The following DNAH9 variants were observed in gnomAD, a reference collection of about 807,000 sequenced individuals.
DNAH9 encodes dynein axonemal heavy chain 9.
Under a neutral mutation model 471.6 loss-of-function variants are expected in DNAH9, and 345 were observed. The observed-to-expected ratio is 0.73, with a 90% CI of 0.67 to 0.80. The LOEUF (loss-of-function observed/expected upper bound fraction) is 0.80, where lower values mean the gene tolerates loss of function less well. Ranked by LOEUF, DNAH9 falls within the 30% of genes least tolerant of loss-of-function variation. The pLI, the probability that DNAH9 is intolerant of heterozygous loss-of-function variation, is 0.00. For synonymous variants in DNAH9, 2,093 were observed against 2,123.6 expected, an observed-to-expected ratio of 0.99 and a Z score of 0.40; for missense variants, 5,407 against 5,609.2, an observed-to-expected ratio of 0.96 and a Z score of 1.15.
chr17:11,783,608 C>T, intron 39 of DNAH9, 38 bp from the exon 40 acceptor site: 1 of 1,553,202 alleles, frequency 6.4e-7, no homozygotes, highest in East Asian at 2.2e-5. Context: ...TGCCTCAGTC[C>T]TCAGACACCT....
chr17:11,677,996 C>T (rs1440255100), intron 17 of DNAH9, among the ~76,000 whole-genome samples: 1 of 87,494 alleles, frequency 1.1e-5, no homozygotes, highest in East Asian at 2.9e-4. Flanking sequence ...TTATTTAAGC[C>T]CCAGGAACTA....
intron 17 of DNAH9, among the ~76,000 whole-genome samples, chr17:11,675,108 T>C (rs952703087): frequency 7.2e-5 from 11 of 152,234 alleles, no homozygotes; most frequent in African/African-American, 2.7e-4. Flanking sequence ...GTTGTCTCTT[T>C]GCTTATTTAC....
intron 43 of DNAH9, among the ~76,000 whole-genome samples, chr17:11,803,662 C>A (rs1035788733): frequency 6.6e-6 from 1 of 152,236 alleles, no homozygotes; most frequent in Non-Finnish European, 1.5e-5. Flanking sequence ...CGGTTGCAGA[C>A]TTAACCACAC....
At chr17:11,743,651 G>A (rs893164652) in intron 30 of DNAH9, among the ~76,000 whole-genome samples, 8 of 152,088 alleles carry the variant, frequency 5.3e-5, no homozygotes, top group African/African-American at 1.7e-4. Flanking sequence ...CTTCTCACCT[G>A]AGCCTGTGGA....
At chr17:11,844,852 C>T (rs767499553) in intron 49 of DNAH9, among the ~76,000 whole-genome samples, 1 of 152,058 alleles carries the variant, frequency 6.6e-6, no homozygotes, top group Non-Finnish European at 1.5e-5. Context: ...CCAATACTGG[C>T]GTGAGATTGT....
Position 11,937,727 on chromosome 17 carries a change from T to C in DNAH9, c.12660+205T>C, listed in dbSNP as rs546798765. On this transcript the variant is annotated intron_variant, in intron 66 of 68. Transcript: ENST00000262442. The surrounding 1 kb of genome is among the most constrained non-coding windows in gnomAD (Gnocchi z 4.1). Reference sequence around the variant, plus strand: ...ACCATGCTGGCCATCAGTTAAATCATAGGAAGTCCCTGCCATTGGGTTCAG... The same window carrying C: ...ACCATGCTGGCCATCAGTTAAATCACAGGAAGTCCCTGCCATTGGGTTCAG... 1.3e-5 allele frequency among the ~76,000 whole-genome samples: 2 copies of C among 152,306 alleles called. No homozygotes were observed. Among genetic ancestry groups the C allele is most frequent in the African/African-American group, 2.4e-5 (1 of 41,574 alleles).
intron 23 of DNAH9, among the ~76,000 whole-genome samples, chr17:11,700,521 G>A (rs778169463): frequency 9.2e-5 from 14 of 151,946 alleles, no homozygotes; most frequent in South Asian, 2.1e-4. Context: ...TTTATTTATC[G>A]TCTGAAATGA....
intron 15 of DNAH9, among the ~76,000 whole-genome samples, chr17:11,667,529 T>C (rs935276935): frequency 6.6e-6 from 1 of 152,218 alleles, no homozygotes; most frequent in African/African-American, 2.4e-5. Flanking sequence ...TGCAGTATTT[T>C]ACTTAGGGTG....
Position 11,843,890 on chromosome 17 carries a change from T to TATATATATATATATATACAC in DNAH9, c.9507+8993_9507+8994insTATATATATATATATACACA, listed in dbSNP as rs1389217941. Among the ~76,000 whole-genome samples, 170 of 127,152 alleles carry TATATATATATATATATACAC rather than the reference T, an allele frequency of 1.3e-3. 2 individuals are homozygous for TATATATATATATATATACAC. Among genetic ancestry groups the TATATATATATATATATACAC allele is most frequent in the African/African-American group, 4.8e-3 (155 of 32,284 alleles). The allele number at this position is 127,152 out of a possible 152,430, so 83.4% of individuals were successfully genotyped here. A position where few individuals can be genotyped will look rare whatever the true frequency, so the allele number is the denominator to read the frequency against. ...ATATATATATATATATATATATATA[T>TATATATATATATATATACAC]ACACATAGAGAGAGAGAGAATAATA... On this transcript the variant is annotated intron_variant, in intron 49 of 68. Transcript: ENST00000262442.
intron 16 of DNAH9, 44 bp from the exon 17 acceptor site, chr17:11,669,326 C>A: frequency 6.3e-7 from 1 of 1,596,010 alleles, no homozygotes; most frequent in Admixed American, 1.7e-5. Context: ...GAACTTCCTG[C>A]CACACACTGG....
chr17:11,904,580 G>A (rs11870643), intron 60 of DNAH9, among the ~76,000 whole-genome samples: 11,003 of 144,986 alleles, frequency 0.076, 455 homozygotes, highest in East Asian at 0.2. Context: ...GCAGTGAGCC[G>A]AGATCGCACC....
chr17:11,695,044 A>G (rs966397915), intron 22 of DNAH9, among the ~76,000 whole-genome samples: 1 of 150,660 alleles, frequency 6.6e-6, no homozygotes, highest in South Asian at 2.1e-4. Flanking sequence ...GCATGCCACC[A>G]TGCCGACTGA....
chr17:11,854,149 G>A lies in DNAH9; in HGVS notation c.9654G>A (p.Val3218=). 1.1e-5 allele frequency: 17 copies of A among 1,614,152 alleles called. No homozygotes were observed. Among genetic ancestry groups the A allele is most frequent in the Non-Finnish European group, 1.4e-5 (17 of 1,180,026 alleles). The change falls in exon 50 of 69, where the codon GTG becomes GTA. Residue 3218 remains valine (V), a synonymous_variant. Coordinates refer to ENST00000262442, the MANE Select transcript of DNAH9 (RefSeq NM_001372.4). The stretch of plus-strand genomic sequence containing the variant: ...CTGCTAAGGTCACCATGGCCAAAGT[G>A]GATGGCTTCCTGGACTCGCTAATAA... ...WKAAKVTMAK[V]DGFLDSLINF...
At chr17:11,728,332 G>A (rs1003710276) in intron 28 of DNAH9, among the ~76,000 whole-genome samples, 11 of 152,056 alleles carry the variant, frequency 7.2e-5, no homozygotes, top group East Asian at 1.9e-4. Flanking sequence ...ATTCCACCAC[G>A]CTCAGCTTAA....
chr17:11,698,263 A>ATAATAGCAATATATTATATAAT (rs1201619905), intron 22 of DNAH9, among the ~76,000 whole-genome samples: 1 of 7,058 alleles, frequency 1.4e-4, no homozygotes, highest in African/African-American at 2.7e-4. Context: ...AATATATAAT[A>ATAATAGCAATATATTATATAAT]ATTATATAAT....
At chr17:11,785,048 C>A (rs74409082) in intron 41 of DNAH9, among the ~76,000 whole-genome samples, 33 of 152,232 alleles carry the variant, frequency 2.2e-4, no homozygotes, top group African/African-American at 7.9e-4. Flanking sequence ...TTCCCAGGTT[C>A]ATTTCTAGAC....
Position 11,831,009 on chromosome 17 carries a change from G to A in DNAH9, c.9247-3629G>A, listed in dbSNP as rs1970669764. On this transcript the variant is annotated intron_variant, in intron 48 of 68. Coordinates refer to ENST00000262442, the MANE Select transcript of DNAH9 (RefSeq NM_001372.4). ...ATTTATTAGGCAGGCAGACATTACA[G>A]GCATAGGTAGGACACATCTATATCT... 1.3e-5 allele frequency among the ~76,000 whole-genome samples: 2 copies of A among 152,286 alleles called. 1 individual carries two copies. The highest frequency in any genetic ancestry group is 3.9e-4 in the East Asian group (2 of 5,170).
intron 28 of DNAH9, among the ~76,000 whole-genome samples, chr17:11,728,348 T>A (rs562483990): frequency 6.6e-6 from 1 of 152,230 alleles, no homozygotes; most frequent in Non-Finnish European, 1.5e-5. Context: ...CTTAATAAAG[T>A]GAGGAATATG....
chr17:11,665,583 A>G (rs567235903), intron 15 of DNAH9, among the ~76,000 whole-genome samples: 1 of 152,370 alleles, frequency 6.6e-6, no homozygotes, highest in South Asian at 2.1e-4. Flanking sequence ...AACTGGGGTA[A>G]GGTACACAGA....
Sources: gnomAD v4.1 joint callset for allele counts (sites outside exome capture counted in the v4.1 genomes callset) on GRCh38, gnomAD v4.1.1 for gene constraint, Gnocchi (gnomAD v3.1) non-coding constraint, MANE v1.5 for transcripts, NCBI Gene and HGNC (gene_info 2026-07-23, HGNC 2026-07-21) for gene names.